SLC8A1: variants seen among roughly 807,000 people sequenced by gnomAD.
The protein encoded by SLC8A1 is sodium/calcium exchanger 1.
Under a neutral mutation model 68.3 loss-of-function variants are expected in SLC8A1, and 18 were observed. The ratio of observed to expected loss-of-function variants is 0.26; its 90% CI spans 0.18 to 0.39. The LOEUF (loss-of-function observed/expected upper bound fraction) is 0.39. Ranked by LOEUF, SLC8A1 falls within the 10% of genes least tolerant of loss-of-function variation. The pLI is 1.00. For missense variants in SLC8A1, 985 were observed against 1,156.7 expected (o/e 0.85, Z 2.15); for synonymous variants, 475 against 415.5 (o/e 1.14, Z -1.74).
intron 2 of SLC8A1, among the ~76,000 whole-genome samples, chr2:40,317,997 C>T (rs944318080): frequency 1.3e-5 from 2 of 152,006 alleles, no homozygotes; most frequent in Admixed American, 6.6e-5. Flanking sequence ...TGGAGAGCAA[C>T]ACTGAAGTGT....
At chr2:40,258,930 TAAAAAAA>T (rs34217103) in intron 2 of SLC8A1, among the ~76,000 whole-genome samples, 5 of 136,796 alleles carry the variant, frequency 3.7e-5, no homozygotes, top group Non-Finnish European at 8.1e-5. Context: ...AGAAAGAAAA[TAAAAAAA>T]AAAAAAGGAA....
At chr2:40,443,637 CCA>C (rs1211364071) in intron 1 of SLC8A1, among the ~76,000 whole-genome samples, 1 of 152,148 alleles carries the variant, frequency 6.6e-6, no homozygotes, top group Admixed American at 6.5e-5. Flanking sequence ...TTGCATTCTA[CCA>C]CACTTATAGG....
At chr2:40,101,626 C>T (rs187300262) in exon 8 of SLC8A1, 1 of 152,232 alleles carries the variant, frequency 6.6e-6, no homozygotes, top group East Asian at 1.9e-4. Context: ...GAATGGTGGA[C>T]ATATCTCCCA....
At chr2:40,396,236 A>G (rs1686854052) in intron 2 of SLC8A1, among the ~76,000 whole-genome samples, 1 of 152,166 alleles carries the variant, frequency 6.6e-6, no homozygotes, top group African/African-American at 2.4e-5. Flanking sequence ...ACTAAGCATG[A>G]CCATTCTTCC....
exon 8 of SLC8A1, chr2:40,099,724 A>G (rs1311260008): frequency 6.6e-6 from 1 of 151,978 alleles, no homozygotes; most frequent in Non-Finnish European, 1.5e-5. Context: ...TGGATTGACT[A>G]TTGTGCTTGC....
intron 2 of SLC8A1, among the ~76,000 whole-genome samples, chr2:40,205,803 G>GA (rs1396661468): frequency 1.0e-5 from 1 of 99,438 alleles, no homozygotes; most frequent in Non-Finnish European, 2.2e-5. Context: ...CTTAGAAGTT[G>GA]AAAAAATATC....
intron 3 of SLC8A1, among the ~76,000 whole-genome samples, chr2:40,175,800 T>G (rs1305454830): frequency 6.6e-6 from 1 of 152,138 alleles, no homozygotes; most frequent in Non-Finnish European, 1.5e-5. Context: ...CATTTTGGGT[T>G]CCCTGCCTGG....
intron 2 of SLC8A1, among the ~76,000 whole-genome samples, chr2:40,420,971 G>A (rs1430560740): frequency 1.3e-5 from 2 of 152,088 alleles, no homozygotes; most frequent in Non-Finnish European, 2.9e-5. Flanking sequence ...TCTAATAAGA[G>A]TAGCTACTTG....
At chr2:40,111,407 T>C (rs1485573206) in exon 8 of SLC8A1, 2 of 152,190 alleles carry the variant, frequency 1.3e-5, no homozygotes, top group African/African-American at 2.4e-5. Flanking sequence ...TACTATAAAA[T>C]ATTTAAATAA....
chr2:40,271,386 T>G (rs1183569058), intron 2 of SLC8A1, among the ~76,000 whole-genome samples: 1 of 152,140 alleles, frequency 6.6e-6, no homozygotes, highest in Non-Finnish European at 1.5e-5. Flanking sequence ...CCCCGGATCT[T>G]TGCATGGTTA....
At chr2:40,323,118 C>T (rs2075400356) in intron 2 of SLC8A1, among the ~76,000 whole-genome samples, 1 of 152,198 alleles carries the variant, frequency 6.6e-6, no homozygotes, top group South Asian at 2.1e-4. Context: ...ATTTGTAAAG[C>T]AACATCACAT....
At chr2:40,299,847 A>G (rs1421310363) in intron 2 of SLC8A1, among the ~76,000 whole-genome samples, 1 of 152,120 alleles carries the variant, frequency 6.6e-6, no homozygotes, top group Non-Finnish European at 1.5e-5. Flanking sequence ...TCTCCCTACT[A>G]ATCGGTTTAG....
chr2:40,506,811 A>G (rs1477084837), intron 1 of SLC8A1, among the ~76,000 whole-genome samples: 2 of 152,000 alleles, frequency 1.3e-5, no homozygotes, highest in African/African-American at 4.8e-5. Flanking sequence ...TGATATAATA[A>G]GTGTTCTTAA....
chr2:40,138,071 TAG>T (rs2040859653), intron 7 of SLC8A1, among the ~76,000 whole-genome samples: 1 of 152,206 alleles, frequency 6.6e-6, no homozygotes, highest in Admixed American at 6.5e-5. Flanking sequence ...GGTGCTTTAC[TAG>T]ATGCATAATT....
intron 2 of SLC8A1, among the ~76,000 whole-genome samples, chr2:40,315,173 A>G (rs1217563541): frequency 6.6e-6 from 1 of 151,772 alleles, no homozygotes; most frequent in East Asian, 1.9e-4. Context: ...ACTATTCCTA[A>G]TATTTCTGAG....
chr2:40,461,725 A>G (rs946195360), intron 1 of SLC8A1, among the ~76,000 whole-genome samples: 1 of 152,180 alleles, frequency 6.6e-6, no homozygotes, highest in African/African-American at 2.4e-5. Flanking sequence ...TTGTCTTTTG[A>G]TCATATATAT....
chr2:40,394,524 T>C (rs1425092737), intron 2 of SLC8A1, among the ~76,000 whole-genome samples: 2 of 152,094 alleles, frequency 1.3e-5, no homozygotes, highest in Non-Finnish European at 2.9e-5. Flanking sequence ...GATTTGGTTT[T>C]ATCATCAAGT....
chr2:40,267,413 T>C (rs749925920), intron 2 of SLC8A1, among the ~76,000 whole-genome samples: 5 of 152,216 alleles, frequency 3.3e-5, no homozygotes, highest in Non-Finnish European at 7.3e-5. Flanking sequence ...TTTCCTGTCA[T>C]GCCACCATTC....
chr2:40,396,777 A>AAAAAAAAAG (rs1320205950), intron 2 of SLC8A1, among the ~76,000 whole-genome samples: 1 of 146,996 alleles, frequency 6.8e-6, no homozygotes, highest in Admixed American at 6.8e-5. Flanking sequence ...AAAAAAAAAA[A>AAAAAAAAAG]CAAGAGAAGT....
Sources: allele counts gnomAD v4.1 joint callset (sites outside exome capture counted in the v4.1 genomes callset), GRCh38; gene constraint gnomAD v4.1.1; transcripts MANE v1.5; gene names NCBI Gene and HGNC (gene_info 2026-07-23, HGNC 2026-07-21).